Variants in NUP210 observed in about 807,000 individuals in gnomAD.
NUP210 encodes nuclear pore membrane glycoprotein 210.
NUP210 carries 151 observed loss-of-function variants against 196.0 expected under a neutral mutation model. The observed-to-expected ratio is 0.77, with a 90% confidence interval of 0.67 to 0.88. NUP210 has a LOEUF of 0.88. Among genes scored for constraint, NUP210 ranks in the 40% least tolerant of loss-of-function variants. The probability of loss-of-function intolerance (pLI) is 0.00; values close to 1 mark genes in which losing one functional copy is unlikely to be tolerated. For missense variants in NUP210, 2,314 were observed against 2,493.7 expected (o/e 0.93, Z 1.53); for synonymous variants, 1,070 against 1,052.7 (o/e 1.02, Z -0.32).
intron 17 of NUP210, 68 bp downstream of exon 17, chr3:13,353,847 C>T (rs1698068214): frequency 6.7e-7 from 1 of 1,482,118 alleles, no homozygotes; most frequent in Non-Finnish European, 9.2e-7. Context: ...GGCACTGGCC[C>T]ACCTTGGCAG....
intron 29 of NUP210, 48 bp downstream of exon 29, chr3:13,332,245 C>T: frequency 6.7e-7 from 1 of 1,492,346 alleles, no homozygotes; most frequent in Non-Finnish European, 9.4e-7. Context: ...GTGTCGGATG[C>T]AAGCACAGCC....
chr3:13,345,130 C>G, intron 20 of NUP210: 1 of 985,440 alleles, frequency 1.0e-6, no homozygotes, highest in Non-Finnish European at 1.2e-6. Flanking sequence ...GATCCAGGGC[C>G]GCTGCTCTGA....
At chr3:13,334,897 T>C (rs891821522) in intron 28 of NUP210, among the ~76,000 whole-genome samples, 1 of 152,148 alleles carries the variant, frequency 6.6e-6, no homozygotes, top group Non-Finnish European at 1.5e-5. Flanking sequence ...GTTTTCCAAA[T>C]GCAGACAGGG....
chr3:13,399,935 G>C lies in NUP210; in HGVS notation c.168-74C>G, dbSNP rs549961190. The C allele has an allele frequency of 4.0e-6, 6 of 1,512,746 alleles. No homozygotes were observed. In the African/African-American group the frequency reaches 6.9e-5, roughly 18 times the overall value. 93.7% of individuals were successfully genotyped at this position (1,512,746 alleles called of 1,614,324 possible). A position where few individuals can be genotyped will look rare whatever the true frequency, so the allele number is the denominator to read the frequency against. On this transcript the variant is annotated intron_variant, in intron 1 of 39. Transcript: ENST00000254508. ...CACAGTGGGGTCCAGACACCAGGCT[G>C]TGGCACCCGTCTAGGGCGCAGTCCT...
rs1696570226 is a variant in NUP210 at position 13,322,263 on chromosome 3, G to A, written c.4845C>T (p.Phe1615=). Residue 1615 remains phenylalanine, a synonymous_variant, in exon 35 of 40, where the codon TTC becomes TTT. Coordinates refer to ENST00000254508, the MANE Select transcript of NUP210 (RefSeq NM_024923.4). ...ATGGGAAATCAAAGACGGCCGGCTT[G>A]AACTGGGACTGGCAGCTGATGAGGG... ...PETLISCQSQ[F]KPAVFDFPSQ... is the part of the protein sequence containing the mutation. 1.9e-6 allele frequency: 3 copies of A among 1,614,246 alleles called. No homozygotes were observed. The highest frequency in any genetic ancestry group is 1.7e-5 in the Admixed American group (1 of 60,036).
rs763411018 is a variant in NUP210 at position 13,341,762 on chromosome 3, G to A, written c.3214C>T (p.Pro1072Ser). Residue 1072 changes from proline to serine, a missense_variant, in exon 23 of 40, where the codon CCA becomes TCA. Physicochemically the swap from Pro to Ser is moderately conservative, Grantham distance 74 (BLOSUM62 -1). Coordinates refer to ENST00000254508, the MANE Select transcript of NUP210 (RefSeq NM_024923.4). Reference protein sequence around the residue: ...NKAGQRINSAPQQIEVFPPFR... With the variant: ...NKAGQRINSASQQIEVFPPFR... ...ACTCGTCTTACTTCAATCTGTTGTG[G>A]GGCTGAGTTGATTCTCTGTCCAGCT... The A allele has an allele frequency of 1.9e-6, 3 of 1,614,102 alleles. No individual in the cohort carries two copies. The East Asian group carries it at 6.7e-5, about 36-fold the overall frequency.
intron 20 of NUP210, among the ~76,000 whole-genome samples, chr3:13,346,549 C>A (rs1295193983): frequency 2.0e-5 from 3 of 152,196 alleles, no homozygotes; most frequent in African/African-American, 7.2e-5. Context: ...TGTCATTGCT[C>A]ATTAAGATGC....
At chr3:13,382,545 C>CA (rs1171119625) in intron 6 of NUP210, among the ~76,000 whole-genome samples, 1 of 148,704 alleles carries the variant, frequency 6.7e-6, no homozygotes, top group Non-Finnish European at 1.5e-5. Flanking sequence ...AGGGAGGAGC[C>CA]AAAAAAAAGA....
At chr3:13,408,331 C>T (rs6442383) in intron 1 of NUP210, among the ~76,000 whole-genome samples, 98,569 of 151,808 alleles carry the variant, frequency 0.65, 33,410 homozygotes, top group African/African-American at 0.85. Context: ...ATAATGCTTT[C>T]ATCTGGTTTG....
Position 13,420,163 on chromosome 3 carries a change from A to AT in NUP210, c.63_64insA (p.Ser22IlefsTer23). The AT allele has an allele frequency of 7.8e-7, 1 of 1,285,364 alleles. No individual in the cohort carries two copies. The highest frequency in any genetic ancestry group is 1.0e-6 in the Non-Finnish European group (1 of 998,982). The allele number at this position is 1,285,364 out of a possible 1,614,324, so 79.6% of individuals were successfully genotyped here. A position where few individuals can be genotyped will look rare whatever the true frequency, so the allele number is the denominator to read the frequency against. On this transcript the variant is annotated frameshift_variant, in exon 1 of 40. Transcript: ENST00000254508. LOFTEE classifies it high-confidence loss of function. The surrounding 1 kb of genome is among the most constrained non-coding windows in gnomAD (Gnocchi z 4.8). ...ATGTTGAGCTTGGCCGCAGCGGCGG[A>AT]GGGGCCCGCCGCCAACAGCACCGAC...
chr3:13,376,526 C>T, intron 9 of NUP210, 95 bp from the exon 10 acceptor site: 1 of 1,480,190 alleles, frequency 6.8e-7, no homozygotes, highest in Non-Finnish European at 9.2e-7. Context: ...AACCAGCAGC[C>T]AGGCCAGGCC....
chr3:13,384,161 C>T (rs1699196452), intron 6 of NUP210, among the ~76,000 whole-genome samples: 1 of 152,038 alleles, frequency 6.6e-6, no homozygotes, highest in East Asian at 1.9e-4. Flanking sequence ...CGGGGTTTCA[C>T]CATGTTGGTC....
At chr3:13,344,764 C>T (rs1697655375) in intron 20 of NUP210, 1 of 184,672 alleles carries the variant, frequency 5.4e-6, no homozygotes, top group Non-Finnish European at 1.0e-5. Context: ...TCCAGCCACG[C>T]AGGCCTTCTC....
At chr3:13,370,701 T>A (rs960927590) in intron 13 of NUP210, among the ~76,000 whole-genome samples, 1 of 152,244 alleles carries the variant, frequency 6.6e-6, no homozygotes, top group African/African-American at 2.4e-5. Flanking sequence ...GGATGCAGTA[T>A]GCTCAGGGAT....
At position 13,386,538 on chromosome 3, in the gene NUP210, C is replaced by T. The variant is rs904285586; in HGVS notation, c.685-131G>A. On this transcript the variant is annotated intron_variant, in intron 5 of 39. Transcript: ENST00000254508. The stretch of plus-strand genomic sequence containing the variant: ...AAGAGGAAAGAAACAAGATATCATT[C>T]CCAAATCCTCACTTTCAGAACCCAG... 1.6e-4 allele frequency: 186 copies of T among 1,183,096 alleles called. 1 individual carries two copies. Among genetic ancestry groups the T allele is most frequent in the Middle Eastern group, 5.8e-4 (2 of 3,476 alleles). 73.3% of individuals were successfully genotyped at this position (1,183,096 alleles called of 1,614,324 possible).
At chr3:13,342,836 A>G (rs552426604) in intron 21 of NUP210, among the ~76,000 whole-genome samples, 1 of 152,358 alleles carries the variant, frequency 6.6e-6, no homozygotes, top group East Asian at 1.9e-4. Flanking sequence ...TATTCTGGGA[A>G]GAAAATACAT....
At position 13,325,690 on chromosome 3, in the gene NUP210, A is replaced by G. The variant is rs374800110; in HGVS notation, c.4644+105T>C. 122 of 1,380,116 alleles carry G rather than the reference A, an allele frequency of 8.8e-5. 2 individuals are homozygous for G. In the East Asian group the frequency reaches 2.0e-3, roughly 22 times the overall value. The allele number at this position is 1,380,116 out of a possible 1,614,324, so 85.5% of individuals were successfully genotyped here. ...TCATGACTCCCAGACCCAACCCCTCAGACGGCTTTTCCCTAAAAGGAAAAG... is the reference window on the plus strand; with the variant it reads ...TCATGACTCCCAGACCCAACCCCTCGGACGGCTTTTCCCTAAAAGGAAAAG... On this transcript the variant is annotated intron_variant, in intron 33 of 39. Coordinates refer to ENST00000254508, the MANE Select transcript of NUP210 (RefSeq NM_024923.4).
rs771448232 is a variant in NUP210, at chr3:13,327,209, T to C, written c.4507+8A>G. 9 of 1,609,438 alleles carry C rather than the reference T, an allele frequency of 5.6e-6. No homozygotes were observed. ...TCCACAGGTTCCCTTGCTCAGGATC[T>C]ATCTTACCTTCCAGGCTGGTCAGAA... On this transcript the variant is annotated splice_region_variant and intron_variant, in intron 32 of 39. Coordinates refer to ENST00000254508, the MANE Select transcript of NUP210 (RefSeq NM_024923.4).
Position 13,351,954 on chromosome 3 carries a change from T to A in NUP210, c.2760A>T (p.Ser920=). 2 of 1,612,408 alleles carry A rather than the reference T, an allele frequency of 1.2e-6. No individual in the cohort carries two copies. Among genetic ancestry groups the A allele is most frequent in the South Asian group, 1.1e-5 (1 of 90,918 alleles). Reference sequence around the variant, plus strand: ...TGCTGGTGTTGAGGAAGAAGTAACCTGAGCCTTCCCTGATGCGGAGCTCTG... The same window carrying A: ...TGCTGGTGTTGAGGAAGAAGTAACCAGAGCCTTCCCTGATGCGGAGCTCTG... The part of the protein sequence containing the change: ...IQAELRIREG[S]GYFFLNTSTA... Residue 920 remains serine (S), a synonymous_variant, in exon 20 of 40, where the codon TCA becomes TCT. Transcript: ENST00000254508.
Sources: gnomAD v4.1 joint callset for allele counts (sites outside exome capture counted in the v4.1 genomes callset) on GRCh38, gnomAD v4.1.1 for gene constraint, Gnocchi (gnomAD v3.1) non-coding constraint, MANE v1.5 for transcripts, NCBI Gene and HGNC (gene_info 2026-07-23, HGNC 2026-07-21) for gene names.